Variants in FHL5 observed in about 807,000 individuals in gnomAD.
FHL5 encodes the protein four and a half LIM domains protein 5.
FHL5 carries 33 observed loss-of-function variants against 32.0 expected under a neutral mutation model. That is an observed-to-expected ratio of 1.03 (90% CI 0.78 to 1.38). The LOEUF is 1.38. Ranked by LOEUF, FHL5 falls within the 40% of genes most tolerant of loss-of-function variation. The probability of loss-of-function intolerance (pLI) is 0.00; values close to 1 mark genes in which losing one functional copy is unlikely to be tolerated. For synonymous variants in FHL5, 114 were observed against 113.6 expected, an observed-to-expected ratio of 1.00 and a Z score of -0.02; for missense variants, 336 against 343.9, an observed-to-expected ratio of 0.98 and a Z score of 0.18.
intron 1 of FHL5, among the ~76,000 whole-genome samples, chr6:96,576,338 T>G (rs1770583574): frequency 6.6e-6 from 1 of 152,192 alleles, no homozygotes; most frequent in African/African-American, 2.4e-5. Flanking sequence ...AAACATAGTA[T>G]CTTCCCTGTC....
chr6:96,571,058 T>C (rs1337294005), intron 1 of FHL5, among the ~76,000 whole-genome samples: 1 of 152,184 alleles, frequency 6.6e-6, no homozygotes, highest in African/African-American at 2.4e-5. Context: ...CTTATTTCCT[T>C]GCTTTTTCAT....
Position 96,610,685 on chromosome 6 carries a change from C to T in FHL5, c.618C>T (p.Asp206=), listed in dbSNP as rs781040790. ...LCEEQFMSRD[D]YPFCVDCYNH... is the part of the protein sequence containing the mutation. ...AAGAACAGTTCATGTCCAGAGACGA[C>T]TATCCATTCTGCGTGGACTGCTACA... Residue 206 remains aspartate, a synonymous_variant, in exon 5 of 6, where the codon GAC becomes GAT. Transcript: ENST00000450218. The T allele has an allele frequency of 3.7e-6, 6 of 1,613,616 alleles. No homozygotes were observed. The East Asian group carries it at 1.3e-4, about 36-fold the overall frequency.
chr6:96,574,307 T>A (rs980133885), intron 1 of FHL5, among the ~76,000 whole-genome samples: 6 of 152,222 alleles, frequency 3.9e-5, no homozygotes, highest in African/African-American at 1.4e-4. Flanking sequence ...ACTTTTAAAC[T>A]TGAGATTAGG....
At chr6:96,577,065 T>A (rs1770598617) in intron 1 of FHL5, among the ~76,000 whole-genome samples, 1 of 152,208 alleles carries the variant, frequency 6.6e-6, no homozygotes, top group African/African-American at 2.4e-5. Flanking sequence ...TGATGGATGC[T>A]GAGAATCAAC....
intron 1 of FHL5, among the ~76,000 whole-genome samples, chr6:96,565,949 C>CA (rs982052980): frequency 3.9e-4 from 59 of 152,038 alleles, no homozygotes; most frequent in African/African-American, 1.4e-3. Context: ...GACAAATTAT[C>CA]AAATCAGGGT....
intron 1 of FHL5, among the ~76,000 whole-genome samples, chr6:96,594,227 T>TTATATATATATA (rs1178680000): frequency 7.5e-5 from 5 of 66,876 alleles, no homozygotes; most frequent in Admixed American, 1.5e-4. Flanking sequence ...ATATTAGAAT[T>TTATATATATATA]TATATATATA....
chr6:96,587,185 G>A (rs868279108), intron 1 of FHL5, among the ~76,000 whole-genome samples: 2 of 152,052 alleles, frequency 1.3e-5, no homozygotes, highest in Non-Finnish European at 2.9e-5. Flanking sequence ...GCTGAAAAAC[G>A]CACAAGAAAT....
intron 1 of FHL5, among the ~76,000 whole-genome samples, chr6:96,586,297 G>T (rs1770796053): frequency 6.6e-6 from 1 of 152,128 alleles, no homozygotes; most frequent in African/African-American, 2.4e-5. Flanking sequence ...ATCTGTGAGA[G>T]GACTTCAAAT....
intron 3 of FHL5, among the ~76,000 whole-genome samples, chr6:96,605,165 A>G (rs967614493): frequency 6.6e-6 from 1 of 152,220 alleles, no homozygotes; most frequent in African/African-American, 2.4e-5. Flanking sequence ...AACATTTCAA[A>G]CCAGAATCTT....
intron 1 of FHL5, 112 bp from the exon 2 acceptor site, chr6:96,603,490 A>G: frequency 2.6e-6 from 2 of 772,502 alleles, no homozygotes; most frequent in Non-Finnish European, 4.1e-6. Flanking sequence ...ATTTTTGCTT[A>G]AGAAAATATA....
chr6:96,573,591 G>A (rs1246876871), intron 1 of FHL5, among the ~76,000 whole-genome samples: 1 of 137,152 alleles, frequency 7.3e-6, no homozygotes, highest in Non-Finnish European at 1.5e-5. Context: ...GCGCAATCTC[G>A]GCTCACTGCA....
Position 96,610,585 on chromosome 6 carries a change from G to A in FHL5, c.518G>A (p.Gly173Asp). The change falls in exon 5 of 6, where the codon GGT becomes GAT. Residue 173 changes from glycine to aspartate, a missense_variant. Coordinates refer to ENST00000450218, the MANE Select transcript of FHL5 (RefSeq NM_001322466.2). ...GGTCTTTGGCAGGTGATAACTTCAG[G>A]TGGGATAACATTTTGTGACCAGCTA... ...CNFCKKVITSGGITFCDQLWH... is the reference protein window; with the variant it reads ...CNFCKKVITSDGITFCDQLWH... 1.9e-6 allele frequency: 3 copies of A among 1,613,586 alleles called. No homozygotes were observed. The highest frequency in any genetic ancestry group is 1.1e-5 in the South Asian group (1 of 91,034).
chr6:96,591,400 C>T (rs1024080895), intron 1 of FHL5, among the ~76,000 whole-genome samples: 8 of 152,072 alleles, frequency 5.3e-5, no homozygotes, highest in East Asian at 1.9e-4. Context: ...TACATGTTTA[C>T]GGTTTTCATT....
At chr6:96,607,235 A>C (rs1245404934) in intron 4 of FHL5, among the ~76,000 whole-genome samples, 2 of 147,956 alleles carry the variant, frequency 1.4e-5, no homozygotes, top group East Asian at 3.9e-4. Context: ...GACACCATAA[A>C]TTGTCATGAG....
chr6:96,609,482 C>T (rs913949507), intron 4 of FHL5, among the ~76,000 whole-genome samples: 3 of 152,168 alleles, frequency 2.0e-5, no homozygotes, highest in African/African-American at 7.2e-5. Context: ...AAAGATTTCT[C>T]AGCCTTTTAA....
chr6:96,574,450 C>T (rs1167054452), intron 1 of FHL5, among the ~76,000 whole-genome samples: 1 of 152,144 alleles, frequency 6.6e-6, no homozygotes, highest in Non-Finnish European at 1.5e-5. Flanking sequence ...TCCAATAAAA[C>T]TTTACTTATG....
chr6:96,584,550 T>C (rs188310369), intron 1 of FHL5, among the ~76,000 whole-genome samples: 52 of 151,348 alleles, frequency 3.4e-4, no homozygotes, highest in Non-Finnish European at 5.9e-4. Context: ...GAGAAGATAA[T>C]CAAAGATCTC....
At chr6:96,566,935 G>T (rs1324258395) in intron 1 of FHL5, among the ~76,000 whole-genome samples, 2 of 151,914 alleles carry the variant, frequency 1.3e-5, no homozygotes, top group African/African-American at 4.8e-5. Context: ...TGTCCTGCAG[G>T]TTGTCTTTTT....
chr6:96,597,746 A>C (rs978558995), intron 1 of FHL5, among the ~76,000 whole-genome samples: 1 of 152,170 alleles, frequency 6.6e-6, no homozygotes, highest in Non-Finnish European at 1.5e-5. Flanking sequence ...TACAAGTGTC[A>C]CTGCCCTTCC....
Sources: allele counts gnomAD v4.1 joint callset (sites outside exome capture counted in the v4.1 genomes callset), GRCh38; gene constraint gnomAD v4.1.1; transcripts MANE v1.5; gene names NCBI Gene and HGNC (gene_info 2026-07-23, HGNC 2026-07-21).